The following ANGPTL2 variants were observed in gnomAD, a reference collection of about 807,000 sequenced individuals.
The protein encoded by ANGPTL2 is angiopoietin-related protein 2.
ANGPTL2 carries 25 observed loss-of-function variants against 52.8 expected under a neutral mutation model. The ratio of observed to expected loss-of-function variants is 0.47; its 90% CI spans 0.35 to 0.66. The LOEUF is 0.66. Ranked by LOEUF, ANGPTL2 falls within the 30% of genes least tolerant of loss-of-function variation. The probability of loss-of-function intolerance (pLI) is 0.01; values close to 1 mark genes in which losing one functional copy is unlikely to be tolerated. For synonymous variants in ANGPTL2, 276 were observed against 277.4 expected (o/e 1.00, Z 0.05); for missense variants, 546 against 656.9 (o/e 0.83, Z 1.84).
At chr9:127,107,622 A>G (rs745705086) in intron 2 of ANGPTL2, among the ~76,000 whole-genome samples, 5 of 152,222 alleles carry the variant, frequency 3.3e-5, no homozygotes, top group African/African-American at 4.8e-5. Context: ...TGCAGAGCCT[A>G]GAAAACTACA....
chr9:127,093,592 T>C, intron 3 of ANGPTL2, 141 bp downstream of exon 3: 1 of 1,002,700 alleles, frequency 1.0e-6, no homozygotes. Context: ...TCGCCTCAGG[T>C]ATATGTGTTG....
chr9:127,088,915 G>A lies in ANGPTL2; in HGVS notation c.*24C>T, dbSNP rs2275405. 6.8e-6 allele frequency: 11 copies of A among 1,613,974 alleles called. No homozygotes were observed. The highest frequency in any genetic ancestry group is 2.2e-5 in the South Asian group (2 of 91,072). On this transcript the variant is annotated 3_prime_UTR_variant, in exon 5 of 5. Transcript: ENST00000373425. ...AGGGTGGGCTCCTGGCAATGGCCAC[G>A]AGAGGTCAGGAGGGGGAGCTGGCTT...
chr9:127,109,279 T>C (rs2054566300), intron 1 of ANGPTL2, among the ~76,000 whole-genome samples: 1 of 152,254 alleles, frequency 6.6e-6, no homozygotes, highest in South Asian at 2.1e-4. Flanking sequence ...TTCTGTTTGA[T>C]CTTCTCTGTT....
chr9:127,112,264 G>T (rs938126319), intron 1 of ANGPTL2, among the ~76,000 whole-genome samples: 6 of 152,204 alleles, frequency 3.9e-5, no homozygotes, highest in East Asian at 1.9e-4. Flanking sequence ...GGAAGTGTTT[G>T]CCTCGTTTCC....
In ANGPTL2 at chr9:127,087,622, A is replaced by T. The variant is rs2051922718; in HGVS notation, c.*1317T>A. 1 of 152,406 alleles carries T rather than the reference A, an allele frequency of 6.6e-6. No homozygotes were observed. Among genetic ancestry groups the T allele is most frequent in the African/African-American group, 2.4e-5 (1 of 41,438 alleles). The allele number at this position is 152,406 out of a possible 1,614,324, so 9.4% of individuals were successfully genotyped here. On this transcript the variant is annotated 3_prime_UTR_variant, in exon 5 of 5. Coordinates refer to ENST00000373425, the MANE Select transcript of ANGPTL2 (RefSeq NM_012098.3). ...TAGTCCCGGGAGTGCTGAGGCTGAC[A>T]CTTGGTGGCCAACAGGACTCAGAAA...
At chr9:127,093,473 G>A (rs1268977569) in intron 3 of ANGPTL2, among the ~76,000 whole-genome samples, 1 of 152,204 alleles carries the variant, frequency 6.6e-6, no homozygotes, top group African/African-American at 2.4e-5. Context: ...GGCTGTGGTG[G>A]TCTGGTCTAC....
At chr9:127,116,840 C>G (rs918508724) in intron 1 of ANGPTL2, among the ~76,000 whole-genome samples, 1 of 152,176 alleles carries the variant, frequency 6.6e-6, no homozygotes, top group Non-Finnish European at 1.5e-5. Flanking sequence ...GATGAGCAAA[C>G]AAAGGTAAGG....
chr9:127,098,468 A>C (rs934350971), intron 2 of ANGPTL2, among the ~76,000 whole-genome samples: 7 of 152,192 alleles, frequency 4.6e-5, no homozygotes, highest in Admixed American at 3.3e-4. Flanking sequence ...GTGAAGAGAA[A>C]TGCAGCCCCG....
At chr9:127,092,808 AAGC>A (rs2052639067) in intron 3 of ANGPTL2, among the ~76,000 whole-genome samples, 1 of 152,006 alleles carries the variant, frequency 6.6e-6, no homozygotes, top group African/African-American at 2.4e-5. Flanking sequence ...GAGGAGAAAA[AAGC>A]AGAGACACAG....
At chr9:127,094,338 T>C (rs1389869178) in intron 2 of ANGPTL2, among the ~76,000 whole-genome samples, 1 of 152,196 alleles carries the variant, frequency 6.6e-6, no homozygotes, top group African/African-American at 2.4e-5. Flanking sequence ...GATGTGGACC[T>C]ACTAAACGTG....
rs373873181 is a variant in ANGPTL2, at chr9:127,108,285, C to A, written c.447G>T (p.Arg149=). The part of the protein sequence containing the change: ...MQLLHEIIRK[R]DNALELSQLE... ...GCTGGGAGAGCTCCAACGCGTTGTC[C>A]CGCTTGCGGATGATCTCGTGCAGGA... Residue 149 remains arginine (R), a synonymous_variant, in exon 2 of 5, where the codon CGG becomes CGT. Coordinates refer to ENST00000373425, the MANE Select transcript of ANGPTL2 (RefSeq NM_012098.3). 1.4e-5 allele frequency: 23 copies of A among 1,613,872 alleles called. No homozygotes were observed. The highest frequency in any genetic ancestry group is 8.9e-5 in the East Asian group (4 of 44,874).
chr9:127,114,580 C>T (rs1457276067), intron 1 of ANGPTL2, among the ~76,000 whole-genome samples: 2 of 152,230 alleles, frequency 1.3e-5, no homozygotes, highest in African/African-American at 2.4e-5. Flanking sequence ...GTTGATTCAT[C>T]ATCAGTCCAG....
chr9:127,119,788 CATT>C (rs1207509835), intron 1 of ANGPTL2, among the ~76,000 whole-genome samples: 8 of 152,166 alleles, frequency 5.3e-5, no homozygotes, highest in Non-Finnish European at 1.2e-4. Flanking sequence ...CAGACTGCCT[CATT>C]AGTAGTAAGT....
intron 1 of ANGPTL2, among the ~76,000 whole-genome samples, chr9:127,113,329 T>G (rs1206471548): frequency 3.3e-5 from 5 of 152,180 alleles, no homozygotes; most frequent in Non-Finnish European, 1.5e-5. Context: ...GGCTTCTCTT[T>G]GAGCCTCAGA....
intron 1 of ANGPTL2, among the ~76,000 whole-genome samples, chr9:127,111,689 C>G (rs751297127): frequency 3.9e-5 from 6 of 152,164 alleles, no homozygotes; most frequent in Non-Finnish European, 8.8e-5. Flanking sequence ...TCCAGTTTCC[C>G]GTGTTCTCAT....
chr9:127,105,833 A>G (rs1206978787), intron 2 of ANGPTL2, among the ~76,000 whole-genome samples: 1 of 152,178 alleles, frequency 6.6e-6, no homozygotes, highest in East Asian at 1.9e-4. Flanking sequence ...AGGGACCACA[A>G]TTGTCACCTA....
chr9:127,091,679 C>T lies in ANGPTL2; in HGVS notation c.1273G>A (p.Val425Ile), dbSNP rs1180145642. 1 of 1,613,566 alleles carries T rather than the reference C, an allele frequency of 6.2e-7. No homozygotes were observed. Among genetic ancestry groups the T allele is most frequent in the Non-Finnish European group, 8.5e-7 (1 of 1,179,976 alleles). Residue 425 changes from valine to isoleucine, a missense_variant, in exon 4 of 5, where the codon GTC becomes ATC. Val to Ile is a conservative substitution (Grantham distance 29). This residue lies in a region of ANGPTL2 where 261 missense variants were observed against 361.0 expected (regional missense o/e 0.72). Transcript: ENST00000373425. This position sits in a 1 kb window ranked among gnomAD's most constrained non-coding sequence, Gnocchi z 4.3. The stretch of plus-strand genomic sequence containing the variant: ...ACTCCACTTTTCCTACCTGTGTAGA[C>T]ATCATGATCTCTGTCCAGGGTGGTG... ...QFTTLDRDHD[V>I]YTGNCAHYQK...
intron 1 of ANGPTL2, among the ~76,000 whole-genome samples, chr9:127,117,603 C>T (rs991238375): frequency 1.3e-5 from 2 of 152,194 alleles, no homozygotes; most frequent in Non-Finnish European, 2.9e-5. Context: ...CTGACCTAGC[C>T]TCAGAAAAGC....
chr9:127,096,290 C>A (rs2053126914), intron 2 of ANGPTL2, among the ~76,000 whole-genome samples: 2 of 152,254 alleles, frequency 1.3e-5, no homozygotes, highest in South Asian at 4.1e-4. Context: ...TCCCCAACAG[C>A]TGGAGCAGAG....
Sources: allele counts gnomAD v4.1 joint callset (sites outside exome capture counted in the v4.1 genomes callset), GRCh38; gene constraint gnomAD v4.1.1; regional missense constraint gnomAD v4.1.1; non-coding constraint Gnocchi (gnomAD v3.1); transcripts MANE v1.5; gene names NCBI Gene and HGNC (gene_info 2026-07-23, HGNC 2026-07-21).